NIPBL: variants seen among roughly 807,000 people sequenced by gnomAD.
NIPBL encodes the protein NIPBL cohesin loading factor.
A neutral mutation model predicts 321.8 loss-of-function variants in NIPBL; 19 were observed. The observed-to-expected ratio is 0.06, with a 90% CI of 0.04 to 0.09. The LOEUF is 0.09. Ranked by LOEUF, NIPBL falls within the 10% of genes least tolerant of loss-of-function variation. The pLI is 1.00. For synonymous variants in NIPBL, 1,106 were observed against 1,114.1 expected, an observed-to-expected ratio of 0.99 and a Z score of 0.14; for missense variants, 2,210 against 3,327.0, an observed-to-expected ratio of 0.66 and a Z score of 8.26.
chr5:37,029,530 G>A (rs1458159802), intron 32 of NIPBL, among the ~76,000 whole-genome samples: 1 of 152,046 alleles, frequency 6.6e-6, no homozygotes, highest in African/African-American at 2.4e-5. Flanking sequence ...TGTGAATATT[G>A]GTGTGTAAGG....
At chr5:36,917,553 T>A (rs1748568452) in intron 1 of NIPBL, among the ~76,000 whole-genome samples, 1 of 152,194 alleles carries the variant, frequency 6.6e-6, no homozygotes, top group African/African-American at 2.4e-5. Flanking sequence ...ATCATTTACA[T>A]TCGGTAAATG....
At chr5:37,006,935 A>G (rs1051047474) in intron 17 of NIPBL, among the ~76,000 whole-genome samples, 3 of 151,996 alleles carry the variant, frequency 2.0e-5, no homozygotes, top group Non-Finnish European at 2.9e-5. Context: ...TAAATGAGCA[A>G]TGAAATGTAT....
chr5:37,058,768 T>A (rs756081013), intron 43 of NIPBL, 123 bp from the exon 44 acceptor site: 47 of 781,460 alleles, frequency 6.0e-5, no homozygotes, highest in Middle Eastern at 6.1e-4. Context: ...GTTGTTGATA[T>A]AAAGTCAAGA....
rs544401903 is a variant in NIPBL at position 36,943,650 on chromosome 5, A to T, written c.-79-9968A>T. ...ATTGGATATGAGTCTAGTATATGGG[A>T]GAAAAGTCAGATTTAGAGATACAAA... On this transcript the variant is annotated intron_variant, in intron 1 of 46. Coordinates refer to ENST00000282516, the MANE Select transcript of NIPBL (RefSeq NM_133433.4). Among the ~76,000 whole-genome samples the T allele has an allele frequency of 2.6e-5, 4 of 152,264 alleles. No individual in the cohort carries two copies. In the East Asian group the frequency reaches 7.7e-4, roughly 29 times the overall value.
At chr5:37,057,163 G>A in intron 42 of NIPBL, 23 bp from the exon 43 acceptor site, 1 of 1,611,606 alleles carries the variant, frequency 6.2e-7, no homozygotes, top group Non-Finnish European at 8.5e-7. Flanking sequence ...CTAAACATGT[G>A]TGCTTTTTCT....
chr5:36,974,136 G>A (rs922060802), intron 8 of NIPBL, among the ~76,000 whole-genome samples: 2 of 152,180 alleles, frequency 1.3e-5, no homozygotes, highest in African/African-American at 4.8e-5. Flanking sequence ...CGGGGAAAGA[G>A]AACAGGGAGA....
At chr5:37,046,082 C>T (rs772529588) in intron 37 of NIPBL, 27 bp from the exon 38 acceptor site, 2 of 1,127,272 alleles carry the variant, frequency 1.8e-6, no homozygotes, top group South Asian at 1.2e-5. Flanking sequence ...TGTTCATGAA[C>T]ACTTTAATGT....
chr5:36,984,111 C>G (rs1580392033), intron 9 of NIPBL, among the ~76,000 whole-genome samples: 1 of 152,114 alleles, frequency 6.6e-6, no homozygotes, highest in Non-Finnish European at 1.5e-5. Context: ...AGTTAAATGA[C>G]AAATTATTAA....
At chr5:37,048,414 C>A in intron 38 of NIPBL, 88 bp from the exon 39 acceptor site, 1 of 766,782 alleles carries the variant, frequency 1.3e-6, no homozygotes, top group South Asian at 3.3e-5. Context: ...AAATAAGGAG[C>A]CGTTTATATA....
At chr5:37,007,123 G>A (rs960998740) in intron 17 of NIPBL, among the ~76,000 whole-genome samples, 200 bp from the exon 18 acceptor site, 1 of 151,922 alleles carries the variant, frequency 6.6e-6, no homozygotes, top group Admixed American at 6.6e-5. Context: ...AATAGCTGCT[G>A]AAGATTATCT....
In NIPBL at chr5:37,016,313, C is replaced by CACAA. The variant is rs1350351506; in HGVS notation, c.4776+144_4776+147dup. The CACAA allele has an allele frequency of 3.6e-5, 32 of 884,280 alleles. No homozygotes were observed. The African/African-American group carries it at 3.7e-4, about 10-fold the overall frequency. The allele number at this position is 884,280 out of a possible 1,614,324, so 54.8% of individuals were successfully genotyped here. ...CTCTTTTTGCATGTGCATAACTGTA[C>CACAA]ACAATATTGTCAGTACCTTGTAGAA... On this transcript the variant is annotated intron_variant, in intron 23 of 46. Coordinates refer to ENST00000282516, the MANE Select transcript of NIPBL (RefSeq NM_133433.4).
intron 4 of NIPBL, among the ~76,000 whole-genome samples, 182 bp from the exon 5 acceptor site, chr5:36,961,302 G>A (rs1741595490): frequency 6.6e-6 from 1 of 152,006 alleles, no homozygotes; most frequent in African/African-American, 2.4e-5. Flanking sequence ...ATGGAAAATG[G>A]TGTTGTAATA....
At position 36,877,169 on chromosome 5, in the gene NIPBL, A is replaced by C; in HGVS notation, c.-89A>C. On this transcript the variant is annotated 5_prime_UTR_variant, in exon 1 of 47. Transcript: ENST00000282516. ...GGCCTCCCCTTGGATTCAGACGCCG[A>C]TTCGCCCAGGTAAATTCCTGCTCTT... 1.2e-5 allele frequency: 3 copies of C among 248,680 alleles called. No homozygotes were observed. Among genetic ancestry groups the C allele is most frequent in the East Asian group, 8.0e-5 (1 of 12,510 alleles). 15.4% of individuals were successfully genotyped at this position (248,680 alleles called of 1,614,324 possible). A position where few individuals can be genotyped will look rare whatever the true frequency, so the allele number is the denominator to read the frequency against.
At chr5:36,937,189 A>G (rs900386309) in intron 1 of NIPBL, among the ~76,000 whole-genome samples, 8 of 152,184 alleles carry the variant, frequency 5.3e-5, no homozygotes, top group African/African-American at 1.9e-4. Context: ...TTTAAAAACA[A>G]TTCTAACCTG....
intron 1 of NIPBL, among the ~76,000 whole-genome samples, chr5:36,941,900 G>A (rs1447853272): frequency 6.6e-6 from 1 of 152,002 alleles, no homozygotes; most frequent in Non-Finnish European, 1.5e-5. Context: ...TTGACCATGA[G>A]TATATTAATT....
chr5:36,945,366 A>T (rs1021023355), intron 1 of NIPBL, among the ~76,000 whole-genome samples: 1 of 152,194 alleles, frequency 6.6e-6, no homozygotes, highest in African/African-American at 2.4e-5. Flanking sequence ...ATAGATGTGT[A>T]TAGTTTTGCT....
intron 34 of NIPBL, among the ~76,000 whole-genome samples, chr5:37,043,799 G>C (rs1052884909): frequency 1.2e-4 from 18 of 152,158 alleles, no homozygotes; most frequent in Non-Finnish European, 2.2e-4. Flanking sequence ...CTATTGACAG[G>C]ACTAGATGAT....
chr5:36,947,789 A>G (rs756136235), intron 1 of NIPBL, among the ~76,000 whole-genome samples: 10 of 151,954 alleles, frequency 6.6e-5, no homozygotes, highest in Non-Finnish European at 1.3e-4. Context: ...CCACCAAAAT[A>G]AGAATTCCCC....
At chr5:36,977,015 A>G (rs1471186828) in intron 9 of NIPBL, among the ~76,000 whole-genome samples, 2 of 152,006 alleles carry the variant, frequency 1.3e-5, no homozygotes, top group African/African-American at 2.4e-5. Context: ...ATGGAGTTTC[A>G]AGACATACCT....
Sources: gnomAD v4.1 joint callset for allele counts (sites outside exome capture counted in the v4.1 genomes callset) on GRCh38, gnomAD v4.1.1 for gene constraint, MANE v1.5 for transcripts, NCBI Gene and HGNC (gene_info 2026-07-23, HGNC 2026-07-21) for gene names.